The following LRP1B variants were observed in gnomAD, a reference collection of about 807,000 sequenced individuals.
LRP1B encodes low-density lipoprotein receptor-related protein 1B.
In LRP1B, 217 loss-of-function variants were observed where a neutral mutation model predicts 556.6. That is an observed-to-expected ratio of 0.39 (90% CI 0.35 to 0.44). LRP1B has a LOEUF of 0.44. Ranked by LOEUF, LRP1B falls within the 20% of genes least tolerant of loss-of-function variation. LRP1B has a pLI of 1.00. For synonymous variants in LRP1B, 2,047 were observed against 1,865.8 expected (o/e 1.10, Z -2.50); for missense variants, 5,053 against 5,620.8 (o/e 0.90, Z 3.23).
rs1032242766 is a variant in LRP1B, at chr2:141,096,634, G to C, written c.1014-34361C>G. On this transcript the variant is annotated intron_variant, in intron 7 of 90. Transcript: ENST00000389484. The stretch of plus-strand genomic sequence containing the variant: ...TGACAAAGACGGGGAGAGGGGGAGA[G>C]AGAGAGAGAGAGAGAGAGAGAGAGA... Among the ~76,000 whole-genome samples, 149 of 45,864 alleles carry C rather than the reference G, an allele frequency of 3.2e-3. 1 individual carries two copies. The highest frequency in any genetic ancestry group is 5.9e-3 in the Non-Finnish European group (130 of 21,956). 30.1% of individuals were successfully genotyped at this position (45,864 alleles called of 152,430 possible).
At chr2:141,766,071 C>A (rs985149957) in intron 2 of LRP1B, among the ~76,000 whole-genome samples, 3 of 152,090 alleles carry the variant, frequency 2.0e-5, no homozygotes, top group African/African-American at 7.2e-5. Flanking sequence ...TTATTGATTT[C>A]TTTTTTACAT....
At chr2:141,552,464 G>A (rs1204071005) in intron 2 of LRP1B, among the ~76,000 whole-genome samples, 3 of 151,912 alleles carry the variant, frequency 2.0e-5, no homozygotes, top group Non-Finnish European at 2.9e-5. Context: ...TTAAGTAATA[G>A]TAAAATTATA....
At chr2:141,829,808 A>G (rs1409266552) in intron 1 of LRP1B, among the ~76,000 whole-genome samples, 1 of 152,048 alleles carries the variant, frequency 6.6e-6, no homozygotes, top group African/African-American at 2.4e-5. Flanking sequence ...CTTTTATAAG[A>G]TTATGTTCAG....
intron 2 of LRP1B, among the ~76,000 whole-genome samples, chr2:141,540,270 G>A (rs1348988831): frequency 1.3e-5 from 2 of 150,928 alleles, no homozygotes; most frequent in East Asian, 1.9e-4. Context: ...ACACATTAGG[G>A]AGTATGCAAG....
chr2:141,425,981 A>G (rs1370906318), intron 3 of LRP1B, among the ~76,000 whole-genome samples: 3 of 150,782 alleles, frequency 2.0e-5, no homozygotes, highest in Non-Finnish European at 4.5e-5. Flanking sequence ...TGTTTTAGAC[A>G]TGAAGTCCTT....
intron 18 of LRP1B, among the ~76,000 whole-genome samples, chr2:140,975,932 A>T: frequency 6.6e-6 from 1 of 151,880 alleles, no homozygotes; most frequent in Non-Finnish European, 1.5e-5. Context: ...TTACTTATGT[A>T]TTATTTTTTT....
chr2:141,183,006 T>A, intron 7 of LRP1B, among the ~76,000 whole-genome samples: 1 of 151,978 alleles, frequency 6.6e-6, no homozygotes. Context: ...AAGGGTCGTA[T>A]GTTTAAATGT....
At chr2:140,940,658 G>A (rs1299415196) in intron 20 of LRP1B, among the ~76,000 whole-genome samples, 6 of 152,162 alleles carry the variant, frequency 3.9e-5, no homozygotes, top group East Asian at 3.9e-4. Context: ...CAGACTGTTC[G>A]CCAAGTCTAT....
intron 2 of LRP1B, among the ~76,000 whole-genome samples, chr2:141,624,879 C>T (rs967766785): frequency 2.6e-5 from 4 of 152,144 alleles, no homozygotes; most frequent in Middle Eastern, 3.2e-3. Flanking sequence ...ATTCCATTCT[C>T]CTGCCTCAGC....
chr2:140,794,699 C>T (rs1245190817), intron 32 of LRP1B, among the ~76,000 whole-genome samples: 2 of 151,936 alleles, frequency 1.3e-5, no homozygotes, highest in Non-Finnish European at 1.5e-5. Flanking sequence ...CCACAACCCC[C>T]GCCTCCTGGG....
intron 6 of LRP1B, 109 bp from the exon 7 acceptor site, chr2:141,188,692 A>G: frequency 1.1e-6 from 1 of 907,808 alleles, no homozygotes; most frequent in South Asian, 1.9e-5. Context: ...TCAAAAGTAT[A>G]GACATTTTTA....
At chr2:141,842,853 T>C (rs1697522361) in intron 1 of LRP1B, among the ~76,000 whole-genome samples, 1 of 152,134 alleles carries the variant, frequency 6.6e-6, no homozygotes, top group African/African-American at 2.4e-5. Flanking sequence ...GCACAACTAA[T>C]TCTGATCAGT....
intron 1 of LRP1B, among the ~76,000 whole-genome samples, chr2:141,820,112 A>G (rs1306660714): frequency 6.6e-6 from 1 of 152,214 alleles, no homozygotes; most frequent in East Asian, 1.9e-4. Flanking sequence ...AATTATAACA[A>G]CCATGAAAAC....
chr2:140,440,328 C>T (rs1686371020), intron 66 of LRP1B, among the ~76,000 whole-genome samples: 1 of 152,158 alleles, frequency 6.6e-6, no homozygotes, highest in Non-Finnish European at 1.5e-5. Context: ...ACTCTACATC[C>T]TGCTAAGCCC....
chr2:140,324,501 T>C (rs1018402202), intron 80 of LRP1B, among the ~76,000 whole-genome samples: 5 of 152,038 alleles, frequency 3.3e-5, no homozygotes, highest in Non-Finnish European at 5.9e-5. Flanking sequence ...AATCAATCAA[T>C]CAGTTGATTT....
chr2:141,361,479 A>G (rs921535056), intron 3 of LRP1B, among the ~76,000 whole-genome samples: 2 of 152,154 alleles, frequency 1.3e-5, no homozygotes. Context: ...CTCAGCAGTG[A>G]TCTCCTTAGG....
intron 21 of LRP1B, among the ~76,000 whole-genome samples, chr2:140,919,442 C>A (rs138935075): frequency 3.3e-5 from 5 of 152,234 alleles, no homozygotes; most frequent in African/African-American, 1.2e-4. Context: ...ATTCAAGTAA[C>A]TACCACTGGC....
At chr2:141,695,850 G>A (rs1404131132) in intron 2 of LRP1B, among the ~76,000 whole-genome samples, 1 of 151,868 alleles carries the variant, frequency 6.6e-6, no homozygotes, top group East Asian at 1.9e-4. Context: ...ACTAGCTGTG[G>A]CCTATATATT....
chr2:141,367,798 A>C (rs1689099337), intron 3 of LRP1B, among the ~76,000 whole-genome samples: 1 of 152,010 alleles, frequency 6.6e-6, no homozygotes, highest in African/African-American at 2.4e-5. Flanking sequence ...GGAATGAATT[A>C]TTTAACCATC....
Sources: allele counts gnomAD v4.1 joint callset (sites outside exome capture counted in the v4.1 genomes callset), GRCh38; gene constraint gnomAD v4.1.1; transcripts MANE v1.5; gene names NCBI Gene and HGNC (gene_info 2026-07-23, HGNC 2026-07-21).